ENOX1: variants seen among roughly 807,000 people sequenced by gnomAD.
ENOX1 encodes ecto-NOX disulfide-thiol exchanger 1, also known as candidate growth-related and time keeping constitutive hydroquinone (NADH) oxidase.
Under a neutral mutation model 82.5 loss-of-function variants are expected in ENOX1, and 42 were observed. The observed-to-expected ratio is 0.51, with a 90% CI of 0.40 to 0.66. The LOEUF (loss-of-function observed/expected upper bound fraction) is 0.66. ENOX1 is among the 30% of genes least tolerant of loss of function. The pLI is 0.00. For synonymous variants in ENOX1, 271 were observed against 282.2 expected (o/e 0.96, Z 0.40); for missense variants, 608 against 811.6 (o/e 0.75, Z 3.05).
chr13:43,268,772 T>G (rs1322490669), intron 13 of ENOX1, among the ~76,000 whole-genome samples: 1 of 152,186 alleles, frequency 6.6e-6, no homozygotes, highest in Non-Finnish European at 1.5e-5. Context: ...CAAATTACCA[T>G]TCATACATTG....
chr13:43,519,067 G>C (rs1416265459), intron 2 of ENOX1, among the ~76,000 whole-genome samples: 1 of 152,122 alleles, frequency 6.6e-6, no homozygotes, highest in Non-Finnish European at 1.5e-5. Context: ...TGGGGATCCA[G>C]AGAGCATGGA....
rs2078937098 is a variant in ENOX1, at chr13:43,545,498, C to T, written c.-218-61346G>A. The T allele has an allele frequency of 2.0e-5, 3 of 152,246 alleles. No homozygotes were observed. The South Asian group carries it at 6.2e-4, about 32-fold the overall frequency. The allele number at this position is 152,246 out of a possible 1,614,324, so 9.4% of individuals were successfully genotyped here. On this transcript the variant is annotated intron_variant, in intron 2 of 16. Transcript: ENST00000690772. ...TTAGGATGGGGAGGGATGGACCGGG[C>T]TCCTGGGAATGGCCTCCATCAGAGG...
intron 10 of ENOX1, among the ~76,000 whole-genome samples, chr13:43,322,775 C>T (rs545878909): frequency 2.0e-5 from 3 of 152,106 alleles, no homozygotes; most frequent in East Asian, 1.9e-4. Flanking sequence ...TTGTACAAAG[C>T]GGATAATAAC....
chr13:43,467,247 A>T (rs1158292229), intron 3 of ENOX1, among the ~76,000 whole-genome samples: 1 of 152,176 alleles, frequency 6.6e-6, no homozygotes, highest in Non-Finnish European at 1.5e-5. Flanking sequence ...GAAGGCTCCA[A>T]ATTTACCACA....
chr13:43,294,384 A>G (rs544713442), intron 12 of ENOX1, among the ~76,000 whole-genome samples: 22 of 152,348 alleles, frequency 1.4e-4, no homozygotes, highest in African/African-American at 5.1e-4. Flanking sequence ...CTCATGAATG[A>G]AAATAAAAAT....
intron 2 of ENOX1, among the ~76,000 whole-genome samples, chr13:43,641,529 ATTTTT>A (rs769737189): frequency 6.6e-4 from 55 of 83,120 alleles, no homozygotes; most frequent in East Asian, 5.1e-3. Context: ...TTAATTTTTA[ATTTTT>A]TTTTTTTTTT....
intron 5 of ENOX1, among the ~76,000 whole-genome samples, chr13:43,371,663 A>G (rs1402416116): frequency 3.3e-5 from 5 of 152,248 alleles, no homozygotes; most frequent in Admixed American, 2.0e-4. Flanking sequence ...TTTAAAAAGA[A>G]CAAAGAAAAA....
At chr13:43,448,376 A>T (rs1316994) in intron 3 of ENOX1, among the ~76,000 whole-genome samples, 94,818 of 152,142 alleles carry the variant, frequency 0.62, 29,911 homozygotes, top group African/African-American at 0.72. Context: ...TTTAATTTTT[A>T]AAAAAACTTC....
intron 14 of ENOX1, among the ~76,000 whole-genome samples, chr13:43,250,712 T>G (rs2043405057): frequency 1.3e-5 from 2 of 152,220 alleles, no homozygotes; most frequent in South Asian, 4.1e-4. Context: ...GTACATTTTG[T>G]GTTAAGACAA....
chr13:43,638,551 T>C (rs1392582124), intron 2 of ENOX1, among the ~76,000 whole-genome samples: 2 of 152,250 alleles, frequency 1.3e-5, no homozygotes, highest in Non-Finnish European at 2.9e-5. Flanking sequence ...AAAGTTTAAA[T>C]CTGTGCAGTG....
At chr13:43,640,322 T>C (rs1429750008) in intron 2 of ENOX1, among the ~76,000 whole-genome samples, 4 of 152,242 alleles carry the variant, frequency 2.6e-5, no homozygotes, top group Non-Finnish European at 1.5e-5. Context: ...ATGCATGCTT[T>C]TTTCACATTT....
In ENOX1 at chr13:43,754,055, T is replaced by TACATATATACGTATATAA. The variant is rs1158076508; in HGVS notation, c.-285+32596_-285+32597insTTATATACGTATATATGT. ...ATATATGTATATAAATACACATATATATACATATATACGTATATAAATACA... is the reference window on the plus strand; with the variant it reads ...ATATATGTATATAAATACACATATATACATATATACGTATATAAATACATATATACGTATATAAATACA... On this transcript the variant is annotated intron_variant, in intron 1 of 16. Coordinates refer to ENST00000690772, the MANE Select transcript of ENOX1 (RefSeq NM_001347969.2). Among the ~76,000 whole-genome samples, 1,298 of 146,592 alleles carry TACATATATACGTATATAA rather than the reference T, an allele frequency of 8.9e-3. 71 individuals carry two copies. The highest frequency in any genetic ancestry group is 0.023 in the African/African-American group (920 of 39,896).
At chr13:43,567,234 T>C (rs932339743) in intron 2 of ENOX1, among the ~76,000 whole-genome samples, 2 of 152,150 alleles carry the variant, frequency 1.3e-5, no homozygotes, top group African/African-American at 4.8e-5. Context: ...AACAGGAAGG[T>C]CAATATCAAG....
At chr13:43,411,772 T>C in intron 5 of ENOX1, 144 bp downstream of exon 5, 2 of 1,008,280 alleles carry the variant, frequency 2.0e-6, no homozygotes, top group South Asian at 3.7e-5. Context: ...AGGAAAAGAA[T>C]CTCAAGTACA....
chr13:43,703,528 C>G (rs958284902), intron 1 of ENOX1, among the ~76,000 whole-genome samples: 1 of 152,170 alleles, frequency 6.6e-6, no homozygotes, highest in Admixed American at 6.5e-5. Context: ...GCTTATCTTC[C>G]TTTCTACTTC....
chr13:43,552,903 T>C (rs2079267207), intron 2 of ENOX1, among the ~76,000 whole-genome samples: 1 of 152,204 alleles, frequency 6.6e-6, no homozygotes, highest in Admixed American at 6.5e-5. Context: ...GGAGCTTCAC[T>C]GGTCACAGAT....
intron 2 of ENOX1, among the ~76,000 whole-genome samples, chr13:43,591,770 C>T (rs570806106): frequency 6.6e-6 from 1 of 152,286 alleles, no homozygotes; most frequent in South Asian, 2.1e-4. Context: ...CCCCTCCCAC[C>T]TGCATTTTGT....
rs570756800 is a variant in ENOX1 at position 43,370,333 on chromosome 13, G to C, written c.209-8881C>G. ...AGTGAGCCGAGATCGCGCCACTGCA[G>C]TCCAGCCTGGGCAACACAGCGAGAC... On this transcript the variant is annotated intron_variant, in intron 5 of 16. Coordinates refer to ENST00000690772, the MANE Select transcript of ENOX1 (RefSeq NM_001347969.2). Among the ~76,000 whole-genome samples, 163 of 152,000 alleles carry C rather than the reference G, an allele frequency of 1.1e-3. 1 individual carries two copies. Among genetic ancestry groups the C allele is most frequent in the South Asian group, 5.4e-3 (26 of 4,814 alleles).
At chr13:43,721,791 C>T (rs1001774441) in intron 1 of ENOX1, among the ~76,000 whole-genome samples, 12 of 152,136 alleles carry the variant, frequency 7.9e-5, no homozygotes, top group African/African-American at 2.7e-4. Flanking sequence ...ACTGAGACAT[C>T]AGTCCCTGGA....
Sources: allele counts gnomAD v4.1 joint callset (sites outside exome capture counted in the v4.1 genomes callset), GRCh38; gene constraint gnomAD v4.1.1; transcripts MANE v1.5; gene names NCBI Gene and HGNC (gene_info 2026-07-23, HGNC 2026-07-21).